ADGRF5: variants seen among roughly 807,000 people sequenced by gnomAD.
ADGRF5 encodes the protein G-protein coupled receptor 116.
In ADGRF5, 75 loss-of-function variants were observed where a neutral mutation model predicts 132.3. The observed-to-expected ratio is 0.57, with a 90% CI of 0.47 to 0.69. The LOEUF (loss-of-function observed/expected upper bound fraction) is 0.69. Ranked by LOEUF, ADGRF5 falls within the 30% of genes least tolerant of loss-of-function variation. ADGRF5 has a pLI of 0.00. For synonymous variants in ADGRF5, 629 were observed against 597.6 expected, an observed-to-expected ratio of 1.05 and a Z score of -0.77; for missense variants, 1,516 against 1,630.6, an observed-to-expected ratio of 0.93 and a Z score of 1.21.
chr6:46,931,529 A>G (rs1017905333), intron 1 of ADGRF5, among the ~76,000 whole-genome samples: 1 of 152,106 alleles, frequency 6.6e-6, no homozygotes, highest in Non-Finnish European at 1.5e-5. Flanking sequence ...TCCTTCTTAT[A>G]AACCACAAGA....
chr6:46,906,525 A>C, intron 2 of ADGRF5, 136 bp downstream of exon 2: 1 of 622,176 alleles, frequency 1.6e-6, no homozygotes. Flanking sequence ...ATTTTTTCTT[A>C]TGTTGCAACT....
intron 9 of ADGRF5, 137 bp from the exon 10 acceptor site, chr6:46,878,542 C>T (rs1020935590): frequency 4.2e-5 from 26 of 621,190 alleles, no homozygotes; most frequent in African/African-American, 2.0e-4. Context: ...GGTCTAAAGA[C>T]GCCTAAAAAA....
At chr6:46,942,317 C>G (rs531638144) in intron 1 of ADGRF5, among the ~76,000 whole-genome samples, 1 of 152,160 alleles carries the variant, frequency 6.6e-6, no homozygotes, top group African/African-American at 2.4e-5. Flanking sequence ...TAGCACTTAG[C>G]GCAGTATCTG....
chr6:46,883,961 C>T, intron 5 of ADGRF5, 134 bp downstream of exon 5: 1 of 802,356 alleles, frequency 1.2e-6, no homozygotes, highest in Non-Finnish European at 2.0e-6. Flanking sequence ...AGGCTGCTGT[C>T]AAAGTCCTGA....
chr6:46,953,651 GTA>G (rs61302381), intron 1 of ADGRF5, among the ~76,000 whole-genome samples: 1,071 of 42,118 alleles, frequency 0.025, 20 homozygotes, highest in Middle Eastern at 0.054. Context: ...AGATATATGT[GTA>G]TATATATATA....
At chr6:46,929,730 G>T (rs1449587397) in intron 1 of ADGRF5, among the ~76,000 whole-genome samples, 1 of 151,968 alleles carries the variant, frequency 6.6e-6, no homozygotes, top group Non-Finnish European at 1.5e-5. Flanking sequence ...TCTGGCTCAT[G>T]ACTTAGAGCA....
In ADGRF5 at chr6:46,937,802, T is replaced by C. The variant is rs547314322; in HGVS notation, c.-25+16932A>G. On this transcript the variant is annotated intron_variant, in intron 1 of 20. Coordinates refer to the ADGRF5 transcript ENST00000265417. ...ATATCTTGACAGTCGATTTGATAAC[T>C]GAGAAAGCTACTAAGTGACCAATGG... Among the ~76,000 whole-genome samples the C allele has an allele frequency of 3.9e-4, 60 of 152,278 alleles. 1 individual carries two copies. Among genetic ancestry groups the C allele is most frequent in the African/African-American group, 1.3e-3 (56 of 41,558 alleles).
rs765560258 is a variant in ADGRF5 at position 46,888,391 on chromosome 6, A to G, written c.272T>C (p.Ile91Thr). ...KAYLNSLSFP[I>T]HGNNTDQITD... Reference sequence around the variant, plus strand: ...AATTTGGTCAGTGTTATTCCCATGAATTGGAAAACTGAGGCTGTTCAAGTA... The same window carrying G: ...AATTTGGTCAGTGTTATTCCCATGAGTTGGAAAACTGAGGCTGTTCAAGTA... Residue 91 changes from isoleucine (I) to threonine (T), a missense_variant, in exon 4 of 21, where the codon ATT (isoleucine) becomes ACT (threonine). Transcript: ENST00000283296. 2.5e-6 allele frequency: 4 copies of G among 1,612,540 alleles called. No individual in the cohort carries two copies. The highest frequency in any genetic ancestry group is 3.3e-5 in the Admixed American group (2 of 60,022).
At chr6:46,918,951 C>CAACA (rs898265936) in intron 1 of ADGRF5, among the ~76,000 whole-genome samples, 3 of 152,310 alleles carry the variant, frequency 2.0e-5, no homozygotes, top group African/African-American at 4.8e-5. Context: ...AGATTAAAAA[C>CAACA]AACAAACAAA....
intron 11 of ADGRF5, among the ~76,000 whole-genome samples, chr6:46,871,598 G>C (rs937111861): frequency 6.6e-6 from 1 of 152,076 alleles, no homozygotes; most frequent in African/African-American, 2.4e-5. Flanking sequence ...AGAATGCCCC[G>C]GGGTTCCTTC....
At chr6:46,873,639 T>C (rs1186473125) in intron 10 of ADGRF5, among the ~76,000 whole-genome samples, 1 of 152,174 alleles carries the variant, frequency 6.6e-6, no homozygotes, top group Admixed American at 6.5e-5. Context: ...TCTATACCTA[T>C]GGCTTCTAGT....
chr6:46,871,562 C>T (rs983572309), intron 11 of ADGRF5, among the ~76,000 whole-genome samples: 1 of 152,086 alleles, frequency 6.6e-6, no homozygotes, highest in African/African-American at 2.4e-5. Flanking sequence ...AACCCTACTT[C>T]CCACTCCACC....
chr6:46,896,077 A>G (rs1353882146), intron 3 of ADGRF5, among the ~76,000 whole-genome samples: 1 of 152,152 alleles, frequency 6.6e-6, no homozygotes, highest in African/African-American at 2.4e-5. Flanking sequence ...ACTCCATGGC[A>G]GAGTCGCATG....
chr6:46,871,535 G>A (rs1411582463), intron 11 of ADGRF5, among the ~76,000 whole-genome samples: 1 of 151,986 alleles, frequency 6.6e-6, no homozygotes, highest in Admixed American at 6.6e-5. Context: ...ATGATAATAG[G>A]GATAACCTGA....
intron 20 of ADGRF5, chr6:46,854,914 C>A (rs1768870614): frequency 5.1e-6 from 2 of 393,652 alleles, no homozygotes; most frequent in East Asian, 7.2e-5. Flanking sequence ...AAACCCAAGT[C>A]CTGTGGAGTT....
At chr6:46,950,668 C>T (rs777873345) in intron 1 of ADGRF5, among the ~76,000 whole-genome samples, 2 of 152,286 alleles carry the variant, frequency 1.3e-5, no homozygotes, top group Non-Finnish European at 1.5e-5. Flanking sequence ...GCAAGCACCA[C>T]CACATCCAGC....
chr6:46,922,323 CAGAAG>C (rs1777015846), upstream of ADGRF5, among the ~76,000 whole-genome samples: 1 of 152,114 alleles, frequency 6.6e-6, no homozygotes, highest in African/African-American at 2.4e-5. Flanking sequence ...AAAGAATCCG[CAGAAG>C]AGAAGAGACC....
intron 1 of ADGRF5, among the ~76,000 whole-genome samples, chr6:46,936,277 C>T (rs1308302228): frequency 1.3e-5 from 2 of 152,160 alleles, no homozygotes; most frequent in Non-Finnish European, 2.9e-5. Flanking sequence ...TGAACACTCC[C>T]GTGCCTGTAT....
chr6:46,860,986 C>T, intron 15 of ADGRF5, 92 bp from the exon 16 acceptor site: 3 of 947,002 alleles, frequency 3.2e-6, no homozygotes, highest in Admixed American at 5.3e-5. Context: ...TCTCTCACAT[C>T]CGTTGTTTCC....
Sources: allele counts gnomAD v4.1 joint callset (sites outside exome capture counted in the v4.1 genomes callset), GRCh38; gene constraint gnomAD v4.1.1; transcripts MANE v1.5; gene names NCBI Gene and HGNC (gene_info 2026-07-23, HGNC 2026-07-21).